GRIA1: variants seen among roughly 807,000 people sequenced by gnomAD.
GRIA1 encodes glutamate receptor 1.
GRIA1 carries 31 observed loss-of-function variants against 99.2 expected under a neutral mutation model. That is an observed-to-expected ratio of 0.31 (90% confidence interval 0.23 to 0.42). The LOEUF is 0.42. Among genes scored for constraint, GRIA1 ranks in the 10% least tolerant of loss-of-function variants. GRIA1 has a pLI of 1.00. For synonymous variants in GRIA1, 438 were observed against 432.4 expected (o/e 1.01, Z -0.16); for missense variants, 782 against 1,157.5 (o/e 0.68, Z 4.71).
chr5:153,660,145 A>G (rs1233892163), intron 5 of GRIA1, among the ~76,000 whole-genome samples: 1 of 152,204 alleles, frequency 6.6e-6, no homozygotes, highest in African/African-American at 2.4e-5. Flanking sequence ...TGTCAGGAAT[A>G]TGACAAAAAC....
chr5:153,728,830 T>A (rs529543336), intron 11 of GRIA1, among the ~76,000 whole-genome samples: 2 of 105,766 alleles, frequency 1.9e-5, no homozygotes, highest in Non-Finnish European at 3.7e-5. Context: ...GTGTGGCGAT[T>A]CCTCAGGGAT....
At position 153,730,404 on chromosome 5, in the gene GRIA1, T is replaced by A. The variant is rs947463908; in HGVS notation, c.1823+24337T>A. On this transcript the variant is annotated intron_variant, in intron 11 of 15. Transcript: ENST00000285900. ...ATAAGTAAATGAATAAATATCCTAA[T>A]AAATAGTATTTTATTAGCATGTAAC... Among the ~76,000 whole-genome samples the A allele has an allele frequency of 5.3e-5, 8 of 152,214 alleles. No individual in the cohort carries two copies. In the East Asian group the frequency reaches 1.5e-3, roughly 29 times the overall value.
intron 2 of GRIA1, among the ~76,000 whole-genome samples, chr5:153,588,693 A>G (rs557240851): frequency 3.2e-4 from 49 of 152,358 alleles, no homozygotes; most frequent in South Asian, 8.3e-4. Flanking sequence ...AGCCTTGAGC[A>G]TAATCCATGA....
intron 2 of GRIA1, among the ~76,000 whole-genome samples, chr5:153,526,207 T>C (rs1171361157): frequency 6.6e-6 from 1 of 152,188 alleles, no homozygotes; most frequent in Non-Finnish European, 1.5e-5. Flanking sequence ...CTGTAAAATG[T>C]ACCGCAGTTG....
Position 153,593,310 on chromosome 5 carries a change from C to T in GRIA1, c.221-53618C>T, listed in dbSNP as rs79129694. 9.4e-3 allele frequency among the ~76,000 whole-genome samples: 1,425 copies of T among 152,216 alleles called. 19 individuals are homozygous for T. Among genetic ancestry groups the T allele is most frequent in the African/African-American group, 0.033 (1,359 of 41,522 alleles). On this transcript the variant is annotated intron_variant, in intron 2 of 15. Transcript: ENST00000285900. ...AATAAATCTGATTACCCCCCAAAGA[C>T]TCCATCTTCTAATCCTATCCCACTA...
At chr5:153,584,347 A>T (rs544083066) in intron 2 of GRIA1, among the ~76,000 whole-genome samples, 1 of 152,256 alleles carries the variant, frequency 6.6e-6, no homozygotes, top group South Asian at 2.1e-4. Flanking sequence ...ATAAATTAAC[A>T]TCTGGAAAGA....
At chr5:153,735,261 AG>A (rs1761302944) in intron 11 of GRIA1, among the ~76,000 whole-genome samples, 2 of 152,220 alleles carry the variant, frequency 1.3e-5, no homozygotes, top group Non-Finnish European at 2.9e-5. Flanking sequence ...TAAAGAAGAA[AG>A]GGGTTTATTC....
chr5:153,648,856 C>G (rs1365098424), intron 3 of GRIA1, among the ~76,000 whole-genome samples: 1 of 149,518 alleles, frequency 6.7e-6, no homozygotes, highest in East Asian at 1.9e-4. Context: ...CCAAGATGTT[C>G]ATGTTGCAAT....
At chr5:153,537,950 G>A (rs1346057594) in intron 2 of GRIA1, among the ~76,000 whole-genome samples, 1 of 152,196 alleles carries the variant, frequency 6.6e-6, no homozygotes, top group Non-Finnish European at 1.5e-5. Context: ...AAAGTTCAAA[G>A]TGTCACCTAG....
intron 2 of GRIA1, among the ~76,000 whole-genome samples, chr5:153,555,522 A>G (rs1760554112): frequency 6.6e-6 from 1 of 152,218 alleles, no homozygotes; most frequent in Admixed American, 6.5e-5. Context: ...AGATTGTTAC[A>G]TAACCACTTC....
chr5:153,651,181 C>T (rs2963949), intron 4 of GRIA1, among the ~76,000 whole-genome samples: 2,904 of 152,234 alleles, frequency 0.019, 60 homozygotes, highest in Admixed American at 0.054. Context: ...TTTCTGGGTT[C>T]GACTCTGGAC....
intron 2 of GRIA1, among the ~76,000 whole-genome samples, chr5:153,538,761 A>C (rs1301469897): frequency 6.6e-6 from 1 of 152,148 alleles, no homozygotes; most frequent in Non-Finnish European, 1.5e-5. Flanking sequence ...TTAGGTCTTT[A>C]CCAATTGATT....
intron 13 of GRIA1, among the ~76,000 whole-genome samples, chr5:153,779,438 C>A (rs1044962584): frequency 7.9e-5 from 12 of 152,220 alleles, no homozygotes. Flanking sequence ...CCTCCACAAA[C>A]CAAGCACTCT....
rs572321272 is a variant in GRIA1 at position 153,715,994 on chromosome 5, G to T, written c.1823+9927G>T. Among the ~76,000 whole-genome samples, 131 of 152,252 alleles carry T rather than the reference G, an allele frequency of 8.6e-4. 1 individual carries two copies. Among genetic ancestry groups the T allele is most frequent in the African/African-American group, 3.0e-3 (123 of 41,550 alleles). On this transcript the variant is annotated intron_variant, in intron 11 of 15. Coordinates refer to ENST00000285900, the MANE Select transcript of GRIA1 (RefSeq NM_000827.4). Reference sequence around the variant, plus strand: ...ATTTGGAGAAGAAGTGGGAAGAATTGGAGATAAAGAAATAAAAGGAACCAG... The same window carrying T: ...ATTTGGAGAAGAAGTGGGAAGAATTTGAGATAAAGAAATAAAAGGAACCAG...
chr5:153,627,405 A>G (rs1239566271), intron 2 of GRIA1, among the ~76,000 whole-genome samples: 4 of 151,976 alleles, frequency 2.6e-5, no homozygotes, highest in African/African-American at 9.7e-5. Flanking sequence ...ATCCTTAACC[A>G]CTCAGGTGTC....
intron 13 of GRIA1, among the ~76,000 whole-genome samples, chr5:153,773,172 A>T (rs993698741): frequency 6.6e-6 from 1 of 152,206 alleles, no homozygotes; most frequent in Non-Finnish European, 1.5e-5. Flanking sequence ...CCCTTGCAAC[A>T]TGACTATGAA....
chr5:153,795,408 C>A, intron 14 of GRIA1: 2 of 833,540 alleles, frequency 2.4e-6, no homozygotes, highest in Non-Finnish European at 2.0e-6. Flanking sequence ...TGAATGAATA[C>A]TGTCTGTGCT....
At chr5:153,791,631 G>T (rs1765311434) in intron 13 of GRIA1, among the ~76,000 whole-genome samples, 2 of 152,082 alleles carry the variant, frequency 1.3e-5, no homozygotes, top group African/African-American at 4.8e-5. Flanking sequence ...CTGTAAAATA[G>T]AAGTAGTAAA....
At chr5:153,764,251 TA>T (rs1277213551) in intron 11 of GRIA1, among the ~76,000 whole-genome samples, 182 bp from the exon 12 acceptor site, 2 of 152,294 alleles carry the variant, frequency 1.3e-5, no homozygotes, top group African/African-American at 4.8e-5. Context: ...ATGTCCGTAA[TA>T]AGGAACAAAA....
Sources: allele counts gnomAD v4.1 joint callset (sites outside exome capture counted in the v4.1 genomes callset), GRCh38; gene constraint gnomAD v4.1.1; transcripts MANE v1.5; gene names NCBI Gene and HGNC (gene_info 2026-07-23, HGNC 2026-07-21).